Variants in ECPAS observed in about 807,000 individuals in gnomAD.
ECPAS encodes the protein proteasome adapter and scaffold protein ECM29.
ECPAS carries 70 observed loss-of-function variants against 255.1 expected under a neutral mutation model. The observed-to-expected ratio is 0.27, with a 90% CI of 0.23 to 0.33. ECPAS has a LOEUF of 0.33. Among genes scored for constraint, ECPAS ranks in the 10% least tolerant of loss-of-function variants. The pLI is 1.00. For missense variants in ECPAS, 1,817 were observed against 2,206.4 expected (o/e 0.82, Z 3.54); for synonymous variants, 784 against 775.0 (o/e 1.01, Z -0.19).
At chr9:111,423,836 A>T (rs781421823) in intron 12 of ECPAS, among the ~76,000 whole-genome samples, 2 of 152,244 alleles carry the variant, frequency 1.3e-5, no homozygotes, top group Non-Finnish European at 2.9e-5. Flanking sequence ...ATGGTTTTAC[A>T]AAAACTAATA....
intron 2 of ECPAS, among the ~76,000 whole-genome samples, chr9:111,452,822 T>C (rs2098262091): frequency 6.6e-6 from 1 of 152,130 alleles, no homozygotes; most frequent in African/African-American, 2.4e-5. Flanking sequence ...ACACCCAGAA[T>C]TGATCTTGTT....
intron 20 of ECPAS, among the ~76,000 whole-genome samples, chr9:111,412,561 T>C (rs917987602): frequency 3.9e-5 from 6 of 152,148 alleles, no homozygotes; most frequent in African/African-American, 1.4e-4. Flanking sequence ...TCATGAAACA[T>C]TATTCGTTTC....
intron 1 of ECPAS, 198 bp downstream of exon 1, chr9:111,483,918 G>T: frequency 1.4e-6 from 1 of 718,644 alleles, no homozygotes; most frequent in Non-Finnish European, 1.7e-6. Flanking sequence ...CATCCTCCCA[G>T]CGGCCCCCCC....
At chr9:111,442,543 C>G (rs2131906786) in intron 4 of ECPAS, 119 bp from the exon 5 acceptor site, 1 of 666,042 alleles carries the variant, frequency 1.5e-6, no homozygotes, top group South Asian at 1.9e-5. Flanking sequence ...AAACGTGACT[C>G]ATCCTCCCTC....
At chr9:111,382,011 AC>A (rs35998892) in intron 35 of ECPAS, among the ~76,000 whole-genome samples, 3 of 46,398 alleles carry the variant, frequency 6.5e-5, no homozygotes, top group Non-Finnish European at 1.2e-4. Context: ...TTTGTAAAAC[AC>A]ACACACACAC....
rs540439586 is a variant in ECPAS, at chr9:111,420,712, G to A, written c.1456-592C>T. ...AGTAGTTTTAGAATCTACTGATCCTGAAGCTTTATTCTTACGTACCTTCCC... is the reference window on the plus strand; with the variant it reads ...AGTAGTTTTAGAATCTACTGATCCTAAAGCTTTATTCTTACGTACCTTCCC... On this transcript the variant is annotated intron_variant, in intron 15 of 49. Coordinates refer to ENST00000684092, the MANE Select transcript of ECPAS (RefSeq NM_001364929.1). 5.3e-5 allele frequency among the ~76,000 whole-genome samples: 8 copies of A among 152,242 alleles called. No individual in the cohort carries two copies. The East Asian group carries it at 7.7e-4, about 15-fold the overall frequency.
At chr9:111,443,589 T>C (rs2098248892) in intron 4 of ECPAS, among the ~76,000 whole-genome samples, 1 of 152,118 alleles carries the variant, frequency 6.6e-6, no homozygotes, top group Non-Finnish European at 1.5e-5. Context: ...CTTCATAAGA[T>C]TACTTCTTCA....
At chr9:111,461,334 G>A (rs1026854918) in intron 2 of ECPAS, among the ~76,000 whole-genome samples, 15 of 151,878 alleles carry the variant, frequency 9.9e-5, no homozygotes, top group South Asian at 4.2e-4. Context: ...GCGTGGTGGC[G>A]TGCACCTGTA....
chr9:111,402,563 C>A (rs187814854), intron 24 of ECPAS, among the ~76,000 whole-genome samples: 141 of 152,200 alleles, frequency 9.3e-4, no homozygotes, highest in African/African-American at 3.3e-3. Context: ...TCCATAGAAT[C>A]TTTAGTATGA....
chr9:111,394,710 T>C (rs957019099), intron 25 of ECPAS, among the ~76,000 whole-genome samples: 2 of 152,148 alleles, frequency 1.3e-5, no homozygotes, highest in Admixed American at 6.5e-5. Flanking sequence ...CTACCGACAT[T>C]GTGGCTGGAT....
At chr9:111,394,069 A>G (rs2098164145) in intron 26 of ECPAS, 91 bp downstream of exon 26, 1 of 1,221,526 alleles carries the variant, frequency 8.2e-7, no homozygotes, top group Non-Finnish European at 1.1e-6. Flanking sequence ...AATACCTACT[A>G]TTGGTTAATG....
At chr9:111,436,907 C>A in intron 7 of ECPAS, 33 bp downstream of exon 7, 1 of 1,534,466 alleles carries the variant, frequency 6.5e-7, no homozygotes, top group South Asian at 1.3e-5. Context: ...TGTCCACAAT[C>A]AACTACTATT....
chr9:111,410,075 A>C lies in ECPAS; in HGVS notation c.2516T>G (p.Leu839Arg), dbSNP rs146155568. 3 of 1,580,860 alleles carry C rather than the reference A, an allele frequency of 1.9e-6. No individual in the cohort carries two copies. Among genetic ancestry groups the C allele is most frequent in the Non-Finnish European group, 2.6e-6 (3 of 1,162,474 alleles). The change falls in exon 23 of 50, where the codon CTA becomes CGA. Residue 839 changes from leucine (L) to arginine (R), a missense_variant. Physicochemically the swap from Leu to Arg is moderately radical, Grantham distance 102. Coordinates refer to ENST00000684092, the MANE Select transcript of ECPAS (RefSeq NM_001364929.1). The stretch of plus-strand genomic sequence containing the variant: ...TTCTTTACTGGAAGGTATTCTACTT[A>C]GTAAGCTTTCTACAAGATGCAATTT... ...FTKLHLVESLLSRIPSSKETN... is the reference protein window; with the variant it reads ...FTKLHLVESLRSRIPSSKETN...
intron 7 of ECPAS, among the ~76,000 whole-genome samples, chr9:111,436,531 G>A (rs375391042): frequency 2.4e-4 from 36 of 151,954 alleles, no homozygotes; most frequent in South Asian, 8.3e-4. Context: ...TACATAAAAC[G>A]TACAGCCCTT....
intron 1 of ECPAS, chr9:111,483,568 A>C: frequency 9.4e-6 from 2 of 211,910 alleles, no homozygotes; most frequent in Non-Finnish European, 1.5e-5. Flanking sequence ...GGAACGAGGG[A>C]GGGGCTGGGG....
At chr9:111,397,294 A>C (rs2098169006) in intron 24 of ECPAS, 141 bp from the exon 25 acceptor site, 3 of 943,842 alleles carry the variant, frequency 3.2e-6, no homozygotes. Flanking sequence ...CGGCTAATTC[A>C]ATGGCTCAAA....
rs376802790 is a variant in ECPAS, at chr9:111,412,007, A to G, written c.2214+7T>C. 5 of 1,538,734 alleles carry G rather than the reference A, an allele frequency of 3.2e-6. No individual in the cohort carries two copies. The East Asian group carries it at 7.2e-5, about 22-fold the overall frequency. ...CCACAAAAAAGAATGAAAACAAAAT[A>G]ACATACGTGATTGTCTTTTGTAGTC... On this transcript the variant is annotated splice_region_variant and intron_variant, in intron 21 of 49. Coordinates refer to ENST00000684092, the MANE Select transcript of ECPAS (RefSeq NM_001364929.1).
chr9:111,410,954 C>G, intron 22 of ECPAS, 26 bp downstream of exon 22: 1 of 1,577,680 alleles, frequency 6.3e-7, no homozygotes, highest in Non-Finnish European at 8.6e-7. Context: ...CTGCAACACC[C>G]AAATCGACAT....
intron 2 of ECPAS, among the ~76,000 whole-genome samples, chr9:111,456,533 C>T (rs888266977): frequency 1.3e-5 from 2 of 152,184 alleles, no homozygotes; most frequent in Non-Finnish European, 2.9e-5. Context: ...TCCAAACGTT[C>T]ACTAGAATGT....
Sources: allele counts gnomAD v4.1 joint callset (sites outside exome capture counted in the v4.1 genomes callset), GRCh38; gene constraint gnomAD v4.1.1; transcripts MANE v1.5; gene names NCBI Gene and HGNC (gene_info 2026-07-23, HGNC 2026-07-21).